Variants in CTNNBL1 observed in about 807,000 individuals in gnomAD.
CTNNBL1 encodes the protein catenin beta like 1.
CTNNBL1 carries 31 observed loss-of-function variants against 72.7 expected under a neutral mutation model. The observed-to-expected ratio is 0.43, with a 90% CI of 0.32 to 0.58. The LOEUF is 0.58. CTNNBL1 is among the 20% of genes least tolerant of loss of function. The pLI is 0.08. For missense variants in CTNNBL1, 534 were observed against 725.1 expected, an observed-to-expected ratio of 0.74 and a Z score of 3.03; for synonymous variants, 240 against 267.3, an observed-to-expected ratio of 0.90 and a Z score of 1.00.
chr20:37,762,406 C>T (rs2073426058), intron 5 of CTNNBL1, among the ~76,000 whole-genome samples: 1 of 152,194 alleles, frequency 6.6e-6, no homozygotes, highest in Admixed American at 6.5e-5. Context: ...ATTTCCTCCT[C>T]TTCTCTTATA....
intron 4 of CTNNBL1, 102 bp downstream of exon 4, chr20:37,746,709 A>G (rs2073268407): frequency 7.2e-7 from 1 of 1,381,066 alleles, no homozygotes; most frequent in Admixed American, 1.7e-5. Flanking sequence ...ATAAAATCTG[A>G]TGTTCTGTTT....
At chr20:37,774,281 TAAAG>T (rs1002563029) in intron 7 of CTNNBL1, among the ~76,000 whole-genome samples, 1 of 152,008 alleles carries the variant, frequency 6.6e-6, no homozygotes, top group Non-Finnish European at 1.5e-5. Flanking sequence ...AATTTACAGA[TAAAG>T]AAATCCCAGA....
At chr20:37,855,109 A>G (rs78315484) in intron 13 of CTNNBL1, among the ~76,000 whole-genome samples, 2 of 7,502 alleles carry the variant, frequency 2.7e-4, no homozygotes, top group Admixed American at 5.2e-3. Flanking sequence ...AATAAGCCAA[A>G]AAAAAAAAAA....
chr20:37,783,968 T>G (rs2073649498), intron 10 of CTNNBL1, among the ~76,000 whole-genome samples: 1 of 152,184 alleles, frequency 6.6e-6, no homozygotes, highest in South Asian at 2.1e-4. Flanking sequence ...TCTCCAGCTT[T>G]TATTGGGATC....
At chr20:37,859,357 CAAAA>C (rs1213162547) in intron 13 of CTNNBL1, among the ~76,000 whole-genome samples, 1 of 110,538 alleles carries the variant, frequency 9.0e-6, no homozygotes, top group Non-Finnish European at 1.9e-5. Context: ...AACTCCATCT[CAAAA>C]AAAAAAAAAA....
At chr20:37,715,399 T>C (rs1175703678) in intron 1 of CTNNBL1, among the ~76,000 whole-genome samples, 1 of 152,262 alleles carries the variant, frequency 6.6e-6, no homozygotes, top group East Asian at 1.9e-4. Flanking sequence ...GTTAAGTTCC[T>C]GGTACAGAGT....
intron 11 of CTNNBL1, among the ~76,000 whole-genome samples, chr20:37,836,855 T>G (rs1242090557): frequency 2.6e-5 from 4 of 152,222 alleles, no homozygotes; most frequent in Non-Finnish European, 4.4e-5. Context: ...GAAATTTGGC[T>G]CAAATAATCG....
At chr20:37,852,652 CAG>C (rs1478071369) in intron 13 of CTNNBL1, among the ~76,000 whole-genome samples, 7 of 152,174 alleles carry the variant, frequency 4.6e-5, no homozygotes, top group Admixed American at 2.0e-4. Context: ...ATCAGGGAAA[CAG>C]GGGTGAGGCA....
At chr20:37,720,721 AG>A (rs2073033311) in intron 1 of CTNNBL1, among the ~76,000 whole-genome samples, 2 of 152,124 alleles carry the variant, frequency 1.3e-5, no homozygotes, top group African/African-American at 4.8e-5. Context: ...CACTTTAGTG[AG>A]TATATATATG....
intron 7 of CTNNBL1, among the ~76,000 whole-genome samples, chr20:37,772,752 G>T (rs1239246290): frequency 6.6e-6 from 1 of 152,122 alleles, no homozygotes; most frequent in Non-Finnish European, 1.5e-5. Flanking sequence ...AAAACCTTAC[G>T]ATTTGACTGA....
At chr20:37,850,210 G>A (rs1352726180) in intron 13 of CTNNBL1, among the ~76,000 whole-genome samples, 8 of 151,790 alleles carry the variant, frequency 5.3e-5, no homozygotes, top group Admixed American at 2.6e-4. Context: ...TTTTTTTAGC[G>A]GGGGATGTAA....
intron 15 of CTNNBL1, among the ~76,000 whole-genome samples, chr20:37,866,084 G>A (rs1431124180): frequency 6.6e-6 from 1 of 152,232 alleles, no homozygotes; most frequent in East Asian, 1.9e-4. Flanking sequence ...TCATGGATAC[G>A]GTGTCCCACA....
chr20:37,796,446 CTT>C (rs199760235), intron 10 of CTNNBL1, among the ~76,000 whole-genome samples: 118 of 137,602 alleles, frequency 8.6e-4, no homozygotes, highest in Admixed American at 1.2e-3. Flanking sequence ...TTTTGTTCAT[CTT>C]TTTTTTTTTT....
intron 3 of CTNNBL1, among the ~76,000 whole-genome samples, chr20:37,741,180 G>C (rs758856815): frequency 6.6e-6 from 1 of 152,094 alleles, no homozygotes; most frequent in Non-Finnish European, 1.5e-5. Flanking sequence ...TTGCTTTCCC[G>C]TCACCTCTAA....
intron 11 of CTNNBL1, among the ~76,000 whole-genome samples, chr20:37,827,352 A>G (rs2072169161): frequency 1.3e-5 from 2 of 152,220 alleles, no homozygotes; most frequent in African/African-American, 4.8e-5. Context: ...TTGCCAGGTC[A>G]TTGGGTAGCT....
intron 11 of CTNNBL1, among the ~76,000 whole-genome samples, chr20:37,819,933 G>A (rs2072091327): frequency 7.0e-6 from 1 of 143,860 alleles, no homozygotes; most frequent in African/African-American, 2.6e-5. Context: ...GGAGTGCACT[G>A]GCATGATCTC....
chr20:37,708,839 T>G (rs1705053229), intron 1 of CTNNBL1, among the ~76,000 whole-genome samples: 1 of 152,060 alleles, frequency 6.6e-6, no homozygotes, highest in Admixed American at 6.6e-5. Flanking sequence ...GTCACTGAAC[T>G]AAGAAGGAGT....
intron 1 of CTNNBL1, among the ~76,000 whole-genome samples, chr20:37,730,984 T>C (rs2073123159): frequency 6.6e-6 from 1 of 152,084 alleles, no homozygotes; most frequent in Admixed American, 6.5e-5. Context: ...ATATTTGATT[T>C]AAAAAACTTT....
At chr20:37,844,771 A>C (rs2122824180) in intron 13 of CTNNBL1, among the ~76,000 whole-genome samples, 1 of 151,902 alleles carries the variant, frequency 6.6e-6, no homozygotes, top group Middle Eastern at 3.4e-3. Flanking sequence ...ACAAAGCAAA[A>C]CCCCCATTTC....
Sources: gnomAD v4.1 joint callset for allele counts (sites outside exome capture counted in the v4.1 genomes callset) on GRCh38, gnomAD v4.1.1 for gene constraint, MANE v1.5 for transcripts, NCBI Gene and HGNC (gene_info 2026-07-23, HGNC 2026-07-21) for gene names.